The following RBMS3 variants were observed in gnomAD, a reference collection of about 807,000 sequenced individuals.
RBMS3 encodes RNA-binding motif, single-stranded-interacting protein 3.
A neutral mutation model predicts 66.8 loss-of-function variants in RBMS3; 27 were observed. The ratio of observed to expected loss-of-function variants is 0.40; its 90% CI spans 0.30 to 0.56. The LOEUF (loss-of-function observed/expected upper bound fraction) is 0.56. Among genes scored for constraint, RBMS3 ranks in the 20% least tolerant of loss-of-function variants. RBMS3 has a pLI of 0.40. For missense variants in RBMS3, 513 were observed against 549.5 expected, an observed-to-expected ratio of 0.93 and a Z score of 0.66; for synonymous variants, 188 against 183.0, an observed-to-expected ratio of 1.03 and a Z score of -0.22.
chr3:29,677,906 G>A (rs1051036439), intron 4 of RBMS3, among the ~76,000 whole-genome samples: 2 of 152,164 alleles, frequency 1.3e-5, no homozygotes, highest in African/African-American at 4.8e-5. Context: ...TACCAGCTCT[G>A]TGGCCTTGGT....
At chr3:29,322,495 G>A (rs1040806238) in intron 1 of RBMS3, among the ~76,000 whole-genome samples, 2 of 151,890 alleles carry the variant, frequency 1.3e-5, no homozygotes, top group Non-Finnish European at 2.9e-5. Flanking sequence ...AATAGATCTG[G>A]TGAAAATAAA....
At chr3:29,392,925 G>A (rs4234343) in intron 1 of RBMS3, among the ~76,000 whole-genome samples, 104,814 of 151,558 alleles carry the variant, frequency 0.69, 37,482 homozygotes, top group African/African-American at 0.89. Context: ...AAGAAAAAAA[G>A]GAAGACTTAT....
At chr3:29,627,786 G>C (rs779222478) in intron 4 of RBMS3, among the ~76,000 whole-genome samples, 3 of 152,158 alleles carry the variant, frequency 2.0e-5, no homozygotes, top group Non-Finnish European at 2.9e-5. Flanking sequence ...GAAAAGAAGA[G>C]AGGGAGAGAA....
At chr3:29,912,877 T>A (rs1035693584) in intron 10 of RBMS3, among the ~76,000 whole-genome samples, 1 of 151,990 alleles carries the variant, frequency 6.6e-6, no homozygotes, top group African/African-American at 2.4e-5. Flanking sequence ...CAGGCTATTT[T>A]ACCTCTCATG....
In RBMS3 at chr3:29,811,595, G is replaced by A. The variant is rs543147599; in HGVS notation, c.637+48606G>A. ...CTTTACCATGCTGAAGAGAAGGCAT[G>A]AGGCTGCTTCAAAACTTGTTCCCTC... On this transcript the variant is annotated intron_variant, in intron 6 of 14. Coordinates refer to ENST00000383767, the MANE Select transcript of RBMS3 (RefSeq NM_001003793.3). Among the ~76,000 whole-genome samples the A allele has an allele frequency of 2.0e-5, 3 of 152,254 alleles. No individual in the cohort carries two copies. In the South Asian group the frequency reaches 6.2e-4, roughly 32 times the overall value.
chr3:29,928,872 G>T (rs2061028497), intron 10 of RBMS3, among the ~76,000 whole-genome samples: 1 of 151,942 alleles, frequency 6.6e-6, no homozygotes, highest in Admixed American at 6.6e-5. Context: ...ATTTGTGAGT[G>T]GTAGACACCC....
intron 1 of RBMS3, among the ~76,000 whole-genome samples, chr3:29,305,955 A>G (rs538830844): frequency 5.4e-4 from 82 of 152,152 alleles, no homozygotes; most frequent in African/African-American, 1.8e-3. Context: ...AGTCAGAAGG[A>G]AGAATGAACA....
intron 4 of RBMS3, among the ~76,000 whole-genome samples, chr3:29,721,548 A>T (rs1290039994): frequency 1.3e-5 from 2 of 152,096 alleles, no homozygotes; most frequent in African/African-American, 4.8e-5. Flanking sequence ...ATGTCTCCAG[A>T]TGTTGCCAAC....
intron 3 of RBMS3, among the ~76,000 whole-genome samples, chr3:29,576,522 A>G (rs1245948936): frequency 6.6e-6 from 1 of 152,018 alleles, no homozygotes; most frequent in Non-Finnish European, 1.5e-5. Context: ...GGCCTCTACA[A>G]TTTACAGGTG....
intron 1 of RBMS3, among the ~76,000 whole-genome samples, chr3:29,432,379 T>C (rs1172334440): frequency 2.0e-5 from 3 of 152,160 alleles, no homozygotes; most frequent in Non-Finnish European, 2.9e-5. Context: ...GCATGTGATA[T>C]ACTGAATCTA....
intron 2 of RBMS3, among the ~76,000 whole-genome samples, chr3:29,443,590 C>T (rs1042584070): frequency 3.3e-5 from 5 of 151,898 alleles, no homozygotes; most frequent in African/African-American, 9.7e-5. Flanking sequence ...AAGAATTTGG[C>T]CAAAGCTTGA....
intron 1 of RBMS3, among the ~76,000 whole-genome samples, chr3:29,425,208 A>T (rs867021159): frequency 1.1e-5 from 1 of 93,928 alleles, no homozygotes; most frequent in African/African-American, 4.3e-5. Flanking sequence ...AAAACCCCCC[A>T]AAAAAAACAA....
intron 1 of RBMS3, among the ~76,000 whole-genome samples, chr3:29,398,687 A>C (rs2039664974): frequency 6.6e-6 from 1 of 152,150 alleles, no homozygotes; most frequent in Non-Finnish European, 1.5e-5. Context: ...CAAGATGGCT[A>C]TGCAGTGAAA....
intron 4 of RBMS3, among the ~76,000 whole-genome samples, chr3:29,592,542 T>C (rs765421328): frequency 2.6e-5 from 4 of 152,068 alleles, no homozygotes; most frequent in Admixed American, 2.0e-4. Context: ...AAATAGGAAC[T>C]CTTTTACACT....
At chr3:29,443,879 T>C (rs1370200109) in intron 2 of RBMS3, among the ~76,000 whole-genome samples, 3 of 152,128 alleles carry the variant, frequency 2.0e-5, no homozygotes, top group Non-Finnish European at 4.4e-5. Context: ...AAATTAGGGA[T>C]AACGCCTTAA....
chr3:29,478,460 G>T (rs1304282937), intron 2 of RBMS3, among the ~76,000 whole-genome samples: 1 of 152,010 alleles, frequency 6.6e-6, no homozygotes, highest in Admixed American at 6.6e-5. Flanking sequence ...ATTCTTGAGA[G>T]CTCCACCCTC....
At chr3:29,630,852 A>G (rs2049257950) in intron 4 of RBMS3, among the ~76,000 whole-genome samples, 1 of 152,004 alleles carries the variant, frequency 6.6e-6, no homozygotes, top group Admixed American at 6.6e-5. Flanking sequence ...AGACCAAGTT[A>G]GCATTTGAAC....
chr3:29,378,326 G>GC (rs1053514546), intron 1 of RBMS3, among the ~76,000 whole-genome samples: 9 of 151,888 alleles, frequency 5.9e-5, no homozygotes, highest in Non-Finnish European at 1.3e-4. Context: ...CAAAAAATTA[G>GC]CCGGGGGTGG....
rs764575844 is a variant in RBMS3 at position 29,944,305 on chromosome 3, G to A, written c.1098+51G>A. 11 of 1,481,188 alleles carry A rather than the reference G, an allele frequency of 7.4e-6. No homozygotes were observed. The Admixed American group carries it at 1.9e-4, about 25-fold the overall frequency. The allele number at this position is 1,481,188 out of a possible 1,614,324, so 91.8% of individuals were successfully genotyped here. A position where few individuals can be genotyped will look rare whatever the true frequency, so the allele number is the denominator to read the frequency against. On this transcript the variant is annotated intron_variant, in intron 12 of 14. Transcript: ENST00000383767. ...ACTGGATTGGAGGGGAGAGATGGAG[G>A]TTGCCTGGTTTTTTCCCAAACTCTT...
Sources: gnomAD v4.1 joint callset for allele counts (sites outside exome capture counted in the v4.1 genomes callset) on GRCh38, gnomAD v4.1.1 for gene constraint, MANE v1.5 for transcripts, NCBI Gene and HGNC (gene_info 2026-07-23, HGNC 2026-07-21) for gene names.